The following HOXC4 variants were observed in gnomAD, a reference collection of about 807,000 sequenced individuals.
The protein encoded by HOXC4 is homeobox protein Hox-C4.
A neutral mutation model predicts 25.5 loss-of-function variants in HOXC4; 15 were observed. The ratio of observed to expected loss-of-function variants is 0.59; its 90% confidence interval spans 0.39 to 0.91. HOXC4 has a LOEUF of 0.91. Ranked by LOEUF, HOXC4 falls within the 40% of genes least tolerant of loss-of-function variation. The pLI is 0.00. For synonymous variants in HOXC4, 165 were observed against 148.0 expected (o/e 1.11, Z -0.83); for missense variants, 342 against 352.4 (o/e 0.97, Z 0.24).
At chr12:54,028,477 A>C (rs1281978508) in intron 1 of HOXC4, 1 of 1,578,772 alleles carries the variant, frequency 6.3e-7, no homozygotes, top group African/African-American at 1.4e-5. Flanking sequence ...GGAGACAGAA[A>C]TAAATATTAA....
chr12:54,040,248 A>T (rs888775037), intron 1 of HOXC4, among the ~76,000 whole-genome samples: 2 of 152,052 alleles, frequency 1.3e-5, no homozygotes, highest in African/African-American at 2.4e-5. Flanking sequence ...TGTTCCTAGG[A>T]CTTTAACCCA....
At chr12:54,049,181 C>T (rs1182192179), upstream of HOXC4, among the ~76,000 whole-genome samples, 1 of 152,144 alleles carries the variant, frequency 6.6e-6, no homozygotes, top group African/African-American at 2.4e-5. Context: ...ATTCGTTAGC[C>T]CAGGGCCTTC....
At chr12:54,025,225 C>G (rs562162039) in intron 1 of HOXC4, among the ~76,000 whole-genome samples, 34 of 152,282 alleles carry the variant, frequency 2.2e-4, no homozygotes, top group African/African-American at 7.2e-4. Flanking sequence ...AATAAAACAT[C>G]TGTTCTTGCT....
At chr12:54,023,105 A>C (rs982911351) in intron 1 of HOXC4, among the ~76,000 whole-genome samples, 10 of 152,070 alleles carry the variant, frequency 6.6e-5, no homozygotes, top group African/African-American at 2.4e-4. Flanking sequence ...GATCACAGAG[A>C]GCTGTGTCCC....
chr12:54,017,977 C>G (rs545349272), intron 1 of HOXC4, among the ~76,000 whole-genome samples: 5 of 152,304 alleles, frequency 3.3e-5, no homozygotes, highest in Non-Finnish European at 5.9e-5. Context: ...GCCGGGCCGC[C>G]GAGCAGGAAG....
At chr12:54,028,263 A>ATT (rs951684966) in intron 1 of HOXC4, 7 of 73,344 alleles carry the variant, frequency 9.5e-5, no homozygotes, top group African/African-American at 2.5e-4. Flanking sequence ...ATATATATAT[A>ATT]TATATTTTTT....
chr12:54,024,369 G>A (rs1255685918), intron 1 of HOXC4, among the ~76,000 whole-genome samples: 3 of 152,128 alleles, frequency 2.0e-5, no homozygotes, highest in South Asian at 2.1e-4. Context: ...AGGAGGCACC[G>A]AGCTGTAGTT....
At chr12:54,025,150 A>G (rs1431629034) in intron 1 of HOXC4, among the ~76,000 whole-genome samples, 1 of 152,192 alleles carries the variant, frequency 6.6e-6, no homozygotes, top group Non-Finnish European at 1.5e-5. Context: ...TATAGAAACA[A>G]AGAACAAGTT....
At chr12:54,045,921 A>G (rs1937691504) in intron 1 of HOXC4, among the ~76,000 whole-genome samples, 1 of 152,166 alleles carries the variant, frequency 6.6e-6, no homozygotes, top group Admixed American at 6.5e-5. Context: ...TCCAAGCCGA[A>G]GCTCCCTACC....
upstream of HOXC4, among the ~76,000 whole-genome samples, chr12:54,049,957 A>AAAC (rs79010335): frequency 9.2e-5 from 14 of 151,776 alleles, no homozygotes; most frequent in African/African-American, 2.4e-5. Flanking sequence ...TTAATCCCTA[A>AAAC]AACAACAACA....
chr12:54,033,378 C>T, intron 1 of HOXC4: 9 of 1,613,134 alleles, frequency 5.6e-6, no homozygotes, highest in Non-Finnish European at 7.6e-6. Context: ...GGGACACGCT[C>T]CGGGCAGAGA....
At chr12:54,050,230 C>T (rs1483437820), upstream of HOXC4, among the ~76,000 whole-genome samples, 1 of 152,024 alleles carries the variant, frequency 6.6e-6, no homozygotes, top group African/African-American at 2.4e-5. Flanking sequence ...CACAATAAGG[C>T]CTCACACACA....
chr12:54,053,367 C>T (rs1937891121), upstream of HOXC4: 1 of 153,658 alleles, frequency 6.5e-6, no homozygotes, highest in Non-Finnish European at 1.4e-5. Flanking sequence ...CAGCCTGGGC[C>T]CCTCCCCATC....
chr12:54,018,979 A>G (rs1418545471), intron 1 of HOXC4, among the ~76,000 whole-genome samples: 1 of 152,064 alleles, frequency 6.6e-6, no homozygotes, highest in Non-Finnish European at 1.5e-5. Context: ...ACCTGTTTTT[A>G]TCAAATTTTT....
At chr12:54,039,399 G>A (rs575489260) in intron 1 of HOXC4, among the ~76,000 whole-genome samples, 2 of 152,178 alleles carry the variant, frequency 1.3e-5, no homozygotes, top group Admixed American at 6.5e-5. Context: ...TCTTAGCTGA[G>A]CCCCATTCTT....
chr12:54,051,450 A>G (rs1937844470), upstream of HOXC4, among the ~76,000 whole-genome samples: 1 of 151,460 alleles, frequency 6.6e-6, no homozygotes, highest in South Asian at 2.1e-4. Flanking sequence ...AACCCAAACC[A>G]CTATTAACCA....
At chr12:54,018,031 A>G (rs1940237903) in intron 1 of HOXC4, among the ~76,000 whole-genome samples, 1 of 151,930 alleles carries the variant, frequency 6.6e-6, no homozygotes, top group South Asian at 2.1e-4. Context: ...ATTGGCAATT[A>G]GGGGGGAGGC....
chr12:54,029,650 T>A, intron 1 of HOXC4: 1 of 1,610,368 alleles, frequency 6.2e-7, no homozygotes, highest in South Asian at 1.1e-5. Context: ...TGCCCGGATC[T>A]TTAGGGGTCG....
At chr12:54,044,711 GTGAGTGTGTGTGTT>G (rs890053596) in intron 1 of HOXC4, among the ~76,000 whole-genome samples, 6 of 138,530 alleles carry the variant, frequency 4.3e-5, no homozygotes, top group African/African-American at 1.7e-4. Context: ...GCAGGGGTGT[GTGAGTGTGTGTGTT>G]TGTGTGTGTG....
Sources: allele counts gnomAD v4.1 joint callset (sites outside exome capture counted in the v4.1 genomes callset), GRCh38; gene constraint gnomAD v4.1.1; transcripts MANE v1.5; gene names NCBI Gene and HGNC (gene_info 2026-07-23, HGNC 2026-07-21).